The following ATAD2 variants were observed in gnomAD, a reference collection of about 807,000 sequenced individuals.
ATAD2 encodes ATPase family AAA domain-containing protein 2.
Under a neutral mutation model 168.9 loss-of-function variants are expected in ATAD2, and 62 were observed. The ratio of observed to expected loss-of-function variants is 0.37; its 90% confidence interval spans 0.30 to 0.45. The LOEUF (loss-of-function observed/expected upper bound fraction) is 0.45, where lower values mean the gene tolerates loss of function less well. Among genes scored for constraint, ATAD2 ranks in the 20% least tolerant of loss-of-function variants. ATAD2 has a pLI of 1.00. For synonymous variants in ATAD2, 613 were observed against 571.6 expected (o/e 1.07, Z -1.03); for missense variants, 1,419 against 1,667.8 (o/e 0.85, Z 2.60).
At chr8:123,353,320 T>C (rs1828533303) in intron 13 of ATAD2, among the ~76,000 whole-genome samples, 1 of 151,998 alleles carries the variant, frequency 6.6e-6, no homozygotes, top group Non-Finnish European at 1.5e-5. Flanking sequence ...GCCAAGATCA[T>C]ACCACTGCAC....
chr8:123,402,038 A>C lies in ATAD2; in HGVS notation c.-2281-863T>G, dbSNP rs1289216397. 1 of 1,508,378 alleles carries C rather than the reference A, an allele frequency of 6.6e-7. No individual in the cohort carries two copies. Among genetic ancestry groups the C allele is most frequent in the African/African-American group, 1.4e-5 (1 of 72,304 alleles). The allele number at this position is 1,508,378 out of a possible 1,614,324, so 93.4% of individuals were successfully genotyped here. A position where few individuals can be genotyped will look rare whatever the true frequency, so the allele number is the denominator to read the frequency against. ...GTACTCAGGAGAGCTCAAGTTTGAG[A>C]AGCGTACCATGTCGGCCCAGATTGA... On this transcript the variant is annotated intron_variant, in intron 1 of 28. Coordinates refer to the ATAD2 transcript ENST00000521903. The surrounding 1 kb of genome is among the most constrained non-coding windows in gnomAD (Gnocchi z 4.8).
At chr8:123,358,463 G>A (rs1432449446) in intron 11 of ATAD2, among the ~76,000 whole-genome samples, 2 of 151,698 alleles carry the variant, frequency 1.3e-5, no homozygotes, top group Non-Finnish European at 2.9e-5. Flanking sequence ...TCCTGCCTCA[G>A]CCTCCCGAGT....
chr8:123,396,313 C>T lies in ATAD2; in HGVS notation c.45G>A (p.Ala15=), dbSNP rs1053746036. 4.3e-5 allele frequency: 69 copies of T among 1,609,462 alleles called. No individual in the cohort carries two copies. Among genetic ancestry groups the T allele is most frequent in the Non-Finnish European group, 5.7e-5 (67 of 1,178,760 alleles). ...GGTCCAAGGAGCCCGTGGCCGAGGC[C>T]GCGGAGTGGTTGTGCAGCTCCAAGC... ...RSSLELHNHS[A]ASATGSLDLS... is the part of the protein sequence containing the mutation. Residue 15 remains alanine, a synonymous_variant, in exon 1 of 28, where the codon GCG becomes GCA. Coordinates refer to ENST00000287394, the MANE Select transcript of ATAD2 (RefSeq NM_014109.4).
At chr8:123,377,904 C>CA (rs1454896303) in intron 2 of ATAD2, among the ~76,000 whole-genome samples, 4 of 152,180 alleles carry the variant, frequency 2.6e-5, no homozygotes, top group Non-Finnish European at 2.9e-5. Flanking sequence ...ACTGTAAACA[C>CA]AAATGTATGG....
Position 123,378,179 on chromosome 8 carries a change from C to T in ATAD2, c.320+2350G>A, listed in dbSNP as rs1401708541. Among the ~76,000 whole-genome samples, 6 of 152,154 alleles carry T rather than the reference C, an allele frequency of 3.9e-5. No individual in the cohort carries two copies. The East Asian group carries it at 9.6e-4, about 24-fold the overall frequency. ...GGAATGTGTCTTACTGATGGCACCTCACAGTTTACTGTCAGTGATTTTCTT... is the reference window on the plus strand; with the variant it reads ...GGAATGTGTCTTACTGATGGCACCTTACAGTTTACTGTCAGTGATTTTCTT... On this transcript the variant is annotated intron_variant, in intron 2 of 27. Transcript: ENST00000287394.
intron 11 of ATAD2, 43 bp downstream of exon 11, chr8:123,359,178 T>C (rs1266634161): frequency 7.0e-7 from 1 of 1,419,244 alleles, no homozygotes; most frequent in Admixed American, 2.0e-5. Context: ...GAAGCAAGAA[T>C]AGCAAAGATT....
In ATAD2 at chr8:123,344,849, T is replaced by C. The variant is rs188927821; in HGVS notation, c.2718+35A>G. The C allele has an allele frequency of 4.3e-4, 689 of 1,598,830 alleles. 5 individuals carry two copies. The highest frequency in any genetic ancestry group is 4.0e-3 in the Middle Eastern group (24 of 6,038). ...ATTATTGTGGTAGAAACAACTCTTTTTGAAAGTATAATGATACCGCCCCAC... is the reference window on the plus strand; with the variant it reads ...ATTATTGTGGTAGAAACAACTCTTTCTGAAAGTATAATGATACCGCCCCAC... On this transcript the variant is annotated intron_variant, in intron 19 of 27. Transcript: ENST00000287394.
chr8:123,402,140 C>A lies in ATAD2; in HGVS notation c.-2281-965G>T. On this transcript the variant is annotated intron_variant, in intron 1 of 28. Transcript: ENST00000521903. The surrounding 1 kb of genome is among the most constrained non-coding windows in gnomAD (Gnocchi z 4.8). ...GTGGAGGCCGAGGTGGTGGAGGGGG[C>A]ACCCCCCAGTGTCCACCTTCGGGCA... The A allele has an allele frequency of 2.6e-6, 2 of 775,274 alleles. No homozygotes were observed. The highest frequency in any genetic ancestry group is 1.4e-5 in the South Asian group (1 of 69,304). The allele number at this position is 775,274 out of a possible 1,614,324, so 48.0% of individuals were successfully genotyped here.
intron 13 of ATAD2, among the ~76,000 whole-genome samples, chr8:123,352,967 T>C (rs1394378835): frequency 6.6e-6 from 1 of 152,024 alleles, no homozygotes; most frequent in East Asian, 1.9e-4. Context: ...TCTGAGAAGT[T>C]GAGGTGGGAA....
rs758994429 is a variant in ATAD2 at position 123,337,770 on chromosome 8, G to A, written c.2906C>T (p.Ser969Leu). The A allele has an allele frequency of 7.4e-6, 12 of 1,613,068 alleles. No individual in the cohort carries two copies. Among genetic ancestry groups the A allele is most frequent in the Non-Finnish European group, 1.0e-5 (12 of 1,179,546 alleles). ...LPVAPPPEPR[S>L]LTAEEVKRLE... ...TCGTTTCACTTCTTCTGCTGTCAGT[G>A]ATCTTGGCTCAGGTGGTGGTGCTAC... Residue 969 changes from serine to leucine, a missense_variant, in exon 21 of 28, where the codon TCA becomes TTA. Ser to Leu is a moderately radical substitution (Grantham distance 145). Transcript: ENST00000287394.
intron 19 of ATAD2, among the ~76,000 whole-genome samples, chr8:123,342,241 A>G (rs1424939955): frequency 2.0e-5 from 3 of 152,382 alleles, no homozygotes; most frequent in Non-Finnish European, 4.4e-5. Flanking sequence ...ATAAACTTCT[A>G]CTTTATTAAT....
chr8:123,391,206 GA>G (rs991849687), intron 1 of ATAD2, among the ~76,000 whole-genome samples: 1 of 151,646 alleles, frequency 6.6e-6, no homozygotes, highest in Admixed American at 6.6e-5. Context: ...GATTCTGGAA[GA>G]AAAAGAAACT....
At position 123,337,634 on chromosome 8, in the gene ATAD2, G is replaced by A. The variant is rs1335765952; in HGVS notation, c.3042C>T (p.Asp1014=). ...KRFRVFTKPV[D]PDEVPDYVTV... The stretch of plus-strand genomic sequence containing the variant: ...AAGATTAAACTAATACCTCATCAGG[G>A]TCAACAGGCTTAGTAAACACTCGGA... Residue 1014 remains aspartate, a synonymous_variant, in exon 21 of 28, where the codon GAC becomes GAT. Transcript: ENST00000287394. 6.2e-7 allele frequency: 1 copy of A among 1,605,662 alleles called. No homozygotes were observed.
chr8:123,375,564 T>C (rs1829283799), intron 2 of ATAD2, among the ~76,000 whole-genome samples: 1 of 152,226 alleles, frequency 6.6e-6, no homozygotes, highest in African/African-American at 2.4e-5. Flanking sequence ...TGTGTATACC[T>C]ACATTCATAT....
At chr8:123,379,355 A>C (rs1000779914) in intron 2 of ATAD2, among the ~76,000 whole-genome samples, 5 of 152,198 alleles carry the variant, frequency 3.3e-5, no homozygotes, top group African/African-American at 1.2e-4. Context: ...GCAAGCAATC[A>C]GAAACAGAAC....
intron 1 of ATAD2, among the ~76,000 whole-genome samples, chr8:123,393,340 A>G (rs973296720): frequency 3.3e-5 from 5 of 151,988 alleles, no homozygotes; most frequent in Non-Finnish European, 5.9e-5. Flanking sequence ...GTGAGACTCC[A>G]TTGCTACAAA....
At chr8:123,371,979 G>C in intron 3 of ATAD2, 144 bp from the exon 4 acceptor site, 1 of 870,278 alleles carries the variant, frequency 1.1e-6, no homozygotes, top group East Asian at 2.9e-5. Context: ...AAAAACATCA[G>C]AAAACAAAAA....
At chr8:123,378,514 C>A (rs1274788334) in intron 2 of ATAD2, among the ~76,000 whole-genome samples, 1 of 151,802 alleles carries the variant, frequency 6.6e-6, no homozygotes. Flanking sequence ...CCAGCCTGGC[C>A]AACATGGCGA....
intron 26 of ATAD2, among the ~76,000 whole-genome samples, chr8:123,323,986 AAAT>A (rs1158831871): frequency 6.6e-6 from 1 of 152,220 alleles, no homozygotes; most frequent in East Asian, 1.9e-4. Flanking sequence ...AAATTAAGTA[AAAT>A]AATAATTGCT....
Sources: gnomAD v4.1 joint callset for allele counts (sites outside exome capture counted in the v4.1 genomes callset) on GRCh38, gnomAD v4.1.1 for gene constraint, Gnocchi (gnomAD v3.1) non-coding constraint, MANE v1.5 for transcripts, NCBI Gene and HGNC (gene_info 2026-07-23, HGNC 2026-07-21) for gene names.